Variants in GPATCH2 observed in about 807,000 individuals in gnomAD.
The protein encoded by GPATCH2 is G patch domain-containing protein 2.
In GPATCH2, 51 loss-of-function variants were observed where a neutral mutation model predicts 58.0. The observed-to-expected ratio is 0.88, with a 90% confidence interval of 0.70 to 1.11. GPATCH2 has a LOEUF of 1.11. GPATCH2 is among the 50% of genes most tolerant of loss of function. GPATCH2 has a pLI of 0.00. For missense variants in GPATCH2, 625 were observed against 652.2 expected (o/e 0.96, Z 0.45); for synonymous variants, 222 against 218.5 (o/e 1.02, Z -0.14).
At chr1:217,559,680 A>C (rs200357931) in intron 5 of GPATCH2, among the ~76,000 whole-genome samples, 2 of 152,216 alleles carry the variant, frequency 1.3e-5, no homozygotes, top group East Asian at 3.9e-4. Flanking sequence ...AATGAATGAG[A>C]AAGAGAGCAG....
At chr1:217,530,264 C>A (rs571732112) in intron 5 of GPATCH2, among the ~76,000 whole-genome samples, 130 of 152,306 alleles carry the variant, frequency 8.5e-4, no homozygotes, top group Non-Finnish European at 1.4e-3. Flanking sequence ...TGGAGCCAGA[C>A]TGCCTGGGTC....
intron 9 of GPATCH2, among the ~76,000 whole-genome samples, chr1:217,436,667 C>A (rs747650832): frequency 2.0e-5 from 3 of 152,118 alleles, no homozygotes; most frequent in Admixed American, 2.0e-4. Context: ...AATACAATGA[C>A]GTCTGTAGCC....
chr1:217,457,710 T>C (rs1315896715), intron 8 of GPATCH2, among the ~76,000 whole-genome samples: 1 of 152,222 alleles, frequency 6.6e-6, no homozygotes, highest in Admixed American at 6.5e-5. Context: ...AAAAATCATG[T>C]AGGCATTTTT....
intron 8 of GPATCH2, among the ~76,000 whole-genome samples, chr1:217,459,245 C>A (rs1660092013): frequency 6.6e-6 from 1 of 152,176 alleles, no homozygotes; most frequent in African/African-American, 2.4e-5. Flanking sequence ...ATAGCTCCCA[C>A]CTTCAAGGAG....
chr1:217,557,607 CAGAT>C (rs1284756232), intron 5 of GPATCH2, among the ~76,000 whole-genome samples: 1 of 152,116 alleles, frequency 6.6e-6, no homozygotes, highest in African/African-American at 2.4e-5. Flanking sequence ...TATGTGCTAT[CAGAT>C]AGAGATTCCA....
intron 5 of GPATCH2, among the ~76,000 whole-genome samples, chr1:217,559,395 C>A (rs1665809441): frequency 6.6e-6 from 1 of 152,032 alleles, no homozygotes; most frequent in African/African-American, 2.4e-5. Context: ...AATATAGAGC[C>A]TTCAACGGCC....
intron 8 of GPATCH2, among the ~76,000 whole-genome samples, chr1:217,481,468 T>C (rs1181236066): frequency 2.0e-5 from 3 of 152,180 alleles, no homozygotes; most frequent in Non-Finnish European, 4.4e-5. Flanking sequence ...TGGTAAAGAA[T>C]AGGGTTGGGG....
At chr1:217,469,007 A>G (rs946116288) in intron 8 of GPATCH2, among the ~76,000 whole-genome samples, 6 of 152,160 alleles carry the variant, frequency 3.9e-5, no homozygotes, top group African/African-American at 1.4e-4. Context: ...AAGTCATTAC[A>G]GCTTTTTCAA....
chr1:217,566,987 G>T (rs1055703319), intron 5 of GPATCH2, among the ~76,000 whole-genome samples: 2 of 151,094 alleles, frequency 1.3e-5, no homozygotes, highest in African/African-American at 4.9e-5. Context: ...AATAGTAAAA[G>T]GTTTTTTTAT....
intron 5 of GPATCH2, among the ~76,000 whole-genome samples, chr1:217,536,283 T>C (rs912718643): frequency 1.3e-5 from 2 of 152,236 alleles, no homozygotes; most frequent in African/African-American, 4.8e-5. Context: ...AAATTGATTC[T>C]AATTCTGATT....
chr1:217,513,343 A>T (rs1662948852), intron 6 of GPATCH2, among the ~76,000 whole-genome samples: 1 of 152,136 alleles, frequency 6.6e-6, no homozygotes, highest in Non-Finnish European at 1.5e-5. Flanking sequence ...TAGTCTATGC[A>T]TCAAGCACTT....
chr1:217,620,976 AAGAC>A (rs1558533765), intron 1 of GPATCH2, among the ~76,000 whole-genome samples: 1 of 152,188 alleles, frequency 6.6e-6, no homozygotes, highest in Non-Finnish European at 1.5e-5. Context: ...GGCAGTTAGA[AAGAC>A]AGACAGGTAG....
rs916655521 is a variant in GPATCH2, at chr1:217,472,346, G to A, written c.1277+19334C>T. Among the ~76,000 whole-genome samples the A allele has an allele frequency of 6.2e-5, 9 of 145,798 alleles. No individual in the cohort carries two copies. In the East Asian group the frequency reaches 1.8e-3, roughly 29 times the overall value. Reference sequence around the variant, plus strand: ...AGACAGAGACTTGCTCTGTTGCCCAGGCTGGAGTGCAGTGGCCTGATCTCG... The same window carrying A: ...AGACAGAGACTTGCTCTGTTGCCCAAGCTGGAGTGCAGTGGCCTGATCTCG... On this transcript the variant is annotated intron_variant, in intron 8 of 9. Transcript: ENST00000366935.
intron 5 of GPATCH2, chr1:217,608,361 T>A: frequency 1.0e-6 from 1 of 985,068 alleles, no homozygotes; most frequent in Non-Finnish European, 1.2e-6. Context: ...CCTAATGCAC[T>A]AGTTCCATGA....
At chr1:217,462,384 A>G (rs1660235741) in intron 8 of GPATCH2, among the ~76,000 whole-genome samples, 1 of 152,190 alleles carries the variant, frequency 6.6e-6, no homozygotes, top group African/African-American at 2.4e-5. Context: ...TTCTTTGCAC[A>G]TAAATCGATC....
chr1:217,491,808 T>C, intron 7 of GPATCH2, 58 bp from the exon 8 acceptor site: 1 of 670,228 alleles, frequency 1.5e-6, no homozygotes, highest in Non-Finnish European at 2.6e-6. Context: ...TATATTATTT[T>C]GCAAGTAGGA....
At chr1:217,553,042 CAG>C (rs72087798) in intron 5 of GPATCH2, among the ~76,000 whole-genome samples, 5,820 of 152,004 alleles carry the variant, frequency 0.038, 345 homozygotes, top group African/African-American at 0.13. Context: ...CAAAAGTACT[CAG>C]AGTTTCATTA....
chr1:217,433,638 C>A (rs1658662036), intron 9 of GPATCH2, among the ~76,000 whole-genome samples: 1 of 152,264 alleles, frequency 6.6e-6, no homozygotes, highest in Admixed American at 6.5e-5. Flanking sequence ...TCAGGTGATC[C>A]ACCTGCCTTA....
chr1:217,481,465 G>C (rs539098787), intron 8 of GPATCH2, among the ~76,000 whole-genome samples: 1 of 152,324 alleles, frequency 6.6e-6, no homozygotes, highest in East Asian at 1.9e-4. Flanking sequence ...GAATGGTAAA[G>C]AATAGGGTTG....
Sources: gnomAD v4.1 joint callset for allele counts (sites outside exome capture counted in the v4.1 genomes callset) on GRCh38, gnomAD v4.1.1 for gene constraint, MANE v1.5 for transcripts, NCBI Gene and HGNC (gene_info 2026-07-23, HGNC 2026-07-21) for gene names.